ACSM3: variants seen among roughly 807,000 people sequenced by gnomAD.
ACSM3 encodes acyl-coenzyme A synthetase ACSM3, mitochondrial.
ACSM3 carries 61 observed loss-of-function variants against 74.1 expected under a neutral mutation model. The ratio of observed to expected loss-of-function variants is 0.82; its 90% CI spans 0.67 to 1.02. The LOEUF (loss-of-function observed/expected upper bound fraction) is 1.02, where lower values mean the gene tolerates loss of function less well. Ranked by LOEUF, ACSM3 falls within the 50% of genes least tolerant of loss-of-function variation. The pLI is 0.00. For missense variants in ACSM3, 660 were observed against 697.0 expected, an observed-to-expected ratio of 0.95 and a Z score of 0.60; for synonymous variants, 213 against 241.5, an observed-to-expected ratio of 0.88 and a Z score of 1.09.
At chr16:20,791,702 G>A (rs529595009) in intron 10 of ACSM3, among the ~76,000 whole-genome samples, 20 of 152,242 alleles carry the variant, frequency 1.3e-4, no homozygotes, top group African/African-American at 4.1e-4. Flanking sequence ...CAAGGTGGGC[G>A]GATCACTTGA....
At chr16:20,713,842 C>G (rs1036805320) in intron 1 of ACSM3, among the ~76,000 whole-genome samples, 3 of 152,070 alleles carry the variant, frequency 2.0e-5, no homozygotes, top group South Asian at 2.1e-4. Flanking sequence ...CCAAAAAGGG[C>G]ACAGATTGTT....
intron 1 of ACSM3, chr16:20,691,259 T>G: frequency 1.5e-6 from 2 of 1,316,634 alleles, no homozygotes; most frequent in Non-Finnish European, 2.1e-6. Context: ...AGATGGCTAA[T>G]AGATTGGCTG....
rs563066159 is a variant in ACSM3, at chr16:20,678,760, G to T, written c.-190+3938G>T. 2.2e-4 allele frequency among the ~76,000 whole-genome samples: 34 copies of T among 152,306 alleles called. No individual in the cohort carries two copies. The South Asian group carries it at 5.0e-3, about 22-fold the overall frequency. ...ACAGACTGCAGAGCTCAGGTAAAGC[G>T]AAGAGCATGAACCAGACACTAAAAC... On this transcript the variant is annotated intron_variant, in intron 1 of 3. Transcript: ENST00000561584.
At chr16:20,739,756 T>C (rs1472646892) in intron 1 of ACSM3, among the ~76,000 whole-genome samples, 1 of 150,320 alleles carries the variant, frequency 6.7e-6, no homozygotes, top group Non-Finnish European at 1.5e-5. Flanking sequence ...AGAAGGCAGA[T>C]ATTGCAGTGA....
rs1041778172 is a variant in ACSM3, at chr16:20,790,910, C to G, written c.1326+222C>G. On this transcript the variant is annotated intron_variant, in intron 10 of 13. Coordinates refer to ENST00000289416, the MANE Select transcript of ACSM3 (RefSeq NM_005622.4). This position sits in a 1 kb window ranked among gnomAD's most constrained non-coding sequence, Gnocchi z 4.0. ...TGAGGCCAGATCACTGTTCCAGGTC[C>G]ACGAAGGCAAGAGGAAGGGACCCTA... 1 of 1,613,888 alleles carries G rather than the reference C, an allele frequency of 6.2e-7. No homozygotes were observed. Among genetic ancestry groups the G allele is most frequent in the African/African-American group, 1.3e-5 (1 of 74,894 alleles).
At chr16:20,773,316 G>A (rs1032821581) in intron 2 of ACSM3, among the ~76,000 whole-genome samples, 4 of 151,538 alleles carry the variant, frequency 2.6e-5, no homozygotes, top group African/African-American at 4.8e-5. Context: ...AAAAAATTTT[G>A]TTTTGTTGAT....
intron 1 of ACSM3, among the ~76,000 whole-genome samples, chr16:20,706,314 G>A (rs1484209319): frequency 6.6e-6 from 1 of 152,142 alleles, no homozygotes; most frequent in African/African-American, 2.4e-5. Context: ...AATTTTGAAA[G>A]AAGACAGAGG....
chr16:20,736,892 A>G (rs1436595986), intron 1 of ACSM3: 5 of 1,613,666 alleles, frequency 3.1e-6, no homozygotes, highest in Non-Finnish European at 4.2e-6. Context: ...ATGAGAAGTC[A>G]TTTTCATTTG....
intron 1 of ACSM3, chr16:20,737,658 A>G (rs2079882010): frequency 1.3e-6 from 2 of 1,536,452 alleles, no homozygotes; most frequent in Non-Finnish European, 8.7e-7. Flanking sequence ...TCCTTAAAAA[A>G]CAAGTATTTA....
chr16:20,717,938 A>AGAAGAGGAAGAGGAAGAG lies in ACSM3; in HGVS notation c.-189-31966_-189-31949dup, dbSNP rs1211063893. ...AAGAAGAAGGAGGAGAAGGAGAAGG[A>AGAAGAGGAAGAGGAAGAG]GAAGAGGAAGAGGAAGAGGAAGAAG... On this transcript the variant is annotated intron_variant, in intron 1 of 3. Coordinates refer to the ACSM3 transcript ENST00000561584. Among the ~76,000 whole-genome samples the AGAAGAGGAAGAGGAAGAG allele has an allele frequency of 8.9e-5, 9 of 100,600 alleles. 2 individuals carry two copies. Among genetic ancestry groups the AGAAGAGGAAGAGGAAGAG allele is most frequent in the South Asian group, 6.8e-4 (2 of 2,944 alleles). 66.0% of individuals were successfully genotyped at this position (100,600 alleles called of 152,430 possible).
chr16:20,775,053 G>A (rs2080239315), intron 2 of ACSM3, among the ~76,000 whole-genome samples: 1 of 152,204 alleles, frequency 6.6e-6, no homozygotes, highest in African/African-American at 2.4e-5. Flanking sequence ...TGTTACCTGG[G>A]GTGTAGAGTG....
intron 1 of ACSM3, among the ~76,000 whole-genome samples, chr16:20,709,888 C>A (rs1350676278): frequency 6.6e-6 from 1 of 152,142 alleles, no homozygotes; most frequent in Non-Finnish European, 1.5e-5. Flanking sequence ...CAGTTCTTTG[C>A]CACTTACTGA....
chr16:20,736,772 T>C (rs559074085), intron 1 of ACSM3: 1 of 1,093,518 alleles, frequency 9.1e-7, no homozygotes, highest in Admixed American at 2.5e-5. Flanking sequence ...AACAGCATAA[T>C]GCAGCACACA....
chr16:20,739,271 G>A (rs2152419776), intron 1 of ACSM3, among the ~76,000 whole-genome samples: 1 of 151,860 alleles, frequency 6.6e-6, no homozygotes, highest in South Asian at 2.1e-4. Context: ...CGCCTCCTGG[G>A]TTCAACCAAT....
intron 2 of ACSM3, among the ~76,000 whole-genome samples, chr16:20,752,949 AAT>A (rs1009589454): frequency 1.3e-5 from 2 of 152,226 alleles, no homozygotes; most frequent in African/African-American, 2.4e-5. Flanking sequence ...GGGACAGAAA[AAT>A]ATGTTAAACT....
At chr16:20,741,479 C>CGGGGGGGGGGGGGGGGGGGGGGG in intron 1 of ACSM3, 1 of 1,329,522 alleles carries the variant, frequency 7.5e-7, no homozygotes, top group Non-Finnish European at 9.8e-7. Context: ...GCCTGGCAGC[C>CGGGGGGGGGGGGGGGGGGGGGGG]GGCCCGCCCG....
At chr16:20,772,967 C>CAAAA (rs200907446) in intron 2 of ACSM3, among the ~76,000 whole-genome samples, 1 of 81,426 alleles carries the variant, frequency 1.2e-5, no homozygotes, top group Non-Finnish European at 2.6e-5. Context: ...GACTCCCTCT[C>CAAAA]AAAAAAAAAA....
intron 1 of ACSM3, among the ~76,000 whole-genome samples, chr16:20,741,047 T>C (rs999294381): frequency 6.6e-6 from 1 of 152,028 alleles, no homozygotes; most frequent in Non-Finnish European, 1.5e-5. Context: ...GGAGGATCGC[T>C]TGAGTGTAGG....
intron 1 of ACSM3, among the ~76,000 whole-genome samples, chr16:20,737,457 C>T (rs2079880678): frequency 6.6e-6 from 1 of 152,094 alleles, no homozygotes; most frequent in South Asian, 2.1e-4. Context: ...AAATGAAACC[C>T]TACAACATTT....
Sources: gnomAD v4.1 joint callset for allele counts (sites outside exome capture counted in the v4.1 genomes callset) on GRCh38, gnomAD v4.1.1 for gene constraint, Gnocchi (gnomAD v3.1) non-coding constraint, MANE v1.5 for transcripts, NCBI Gene and HGNC (gene_info 2026-07-23, HGNC 2026-07-21) for gene names.